Variants in DNAJB12 observed in about 807,000 individuals in gnomAD.
DNAJB12 encodes DnaJ heat shock protein family (Hsp40) member B12.
Under a neutral mutation model 40.6 loss-of-function variants are expected in DNAJB12, and 14 were observed. The ratio of observed to expected loss-of-function variants is 0.34; its 90% CI spans 0.23 to 0.54. The LOEUF is 0.54. Ranked by LOEUF, DNAJB12 falls within the 20% of genes least tolerant of loss-of-function variation. The pLI, the probability that DNAJB12 is intolerant of heterozygous loss-of-function variation, is 0.92. For missense variants in DNAJB12, 444 were observed against 501.7 expected (o/e 0.89, Z 1.10); for synonymous variants, 181 against 199.5 (o/e 0.91, Z 0.78).
chr10:72,335,275 A>G lies in DNAJB12; in HGVS notation c.*30+505T>C, dbSNP rs1861438516. ...TGTTCATCTTGCTCCATTTCCTCCT[A>G]GCTGGAGGGATGGAGAAAGGGGAGG... is the stretch of plus-strand genomic sequence containing the variant. On this transcript the variant is annotated intron_variant, in intron 8 of 8. Transcript: ENST00000444643. The surrounding 1 kb of genome is among the most constrained non-coding windows in gnomAD (Gnocchi z 4.4). 27 of 986,898 alleles carry G rather than the reference A, an allele frequency of 2.7e-5. No individual in the cohort carries two copies. Among genetic ancestry groups the G allele is most frequent in the Non-Finnish European group, 3.3e-5 (27 of 830,734 alleles). 61.1% of individuals were successfully genotyped at this position (986,898 alleles called of 1,614,324 possible).
chr10:72,335,587 G>A lies in DNAJB12; in HGVS notation c.*30+193C>T, dbSNP rs1329994376. 1 of 1,375,948 alleles carries A rather than the reference G, an allele frequency of 7.3e-7. No individual in the cohort carries two copies. The allele number at this position is 1,375,948 out of a possible 1,614,324, so 85.2% of individuals were successfully genotyped here. A position where few individuals can be genotyped will look rare whatever the true frequency, so the allele number is the denominator to read the frequency against. The stretch of plus-strand genomic sequence containing the variant: ...AGGAGTGGGGAGGACAGCATCGCTA[G>A]AGGGCGGAAACCGACCTTGGTTTCC... On this transcript the variant is annotated intron_variant, in intron 8 of 8. Coordinates refer to ENST00000444643, the MANE Select transcript of DNAJB12 (RefSeq NM_017626.7). This position sits in a 1 kb window ranked among gnomAD's most constrained non-coding sequence, Gnocchi z 4.4.
rs939036612 is a variant in DNAJB12 at position 72,333,350 on chromosome 10, G to A, written c.*1298C>T. 6.6e-6 allele frequency: 1 copy of A among 152,244 alleles called. No homozygotes were observed. The highest frequency in any genetic ancestry group is 1.5e-5 in the Non-Finnish European group (1 of 68,048). The allele number at this position is 152,244 out of a possible 1,614,324, so 9.4% of individuals were successfully genotyped here. A position where few individuals can be genotyped will look rare whatever the true frequency, so the allele number is the denominator to read the frequency against. On this transcript the variant is annotated 3_prime_UTR_variant, in exon 9 of 9. Coordinates refer to ENST00000444643, the MANE Select transcript of DNAJB12 (RefSeq NM_017626.7). ...ACCTCCCTCCTCCCACTGGCGGCAAGTGCTGTTTTAAGCAAAATCCTCATT... is the reference window on the plus strand; with the variant it reads ...ACCTCCCTCCTCCCACTGGCGGCAAATGCTGTTTTAAGCAAAATCCTCATT...
chr10:72,341,322 G>A (rs1295083413), intron 3 of DNAJB12, 152 bp from the exon 4 acceptor site: 2 of 726,576 alleles, frequency 2.8e-6, no homozygotes, highest in Non-Finnish European at 4.4e-6. Flanking sequence ...CCAGTGTAAG[G>A]AGGGGGCATG....
intron 7 of DNAJB12, 142 bp downstream of exon 7, chr10:72,336,382 T>C (rs1861474263): frequency 1.1e-6 from 1 of 890,432 alleles, no homozygotes; most frequent in African/African-American, 1.7e-5. Context: ...CCAGCTCTTG[T>C]CTGGGAGGTG....
chr10:72,347,698 A>G (rs1234160655), intron 1 of DNAJB12, among the ~76,000 whole-genome samples: 2 of 151,182 alleles, frequency 1.3e-5, no homozygotes, highest in East Asian at 3.9e-4. Context: ...GGCGAATCAC[A>G]AGGTCAGGAG....
chr10:72,341,146 A>G lies in DNAJB12; in HGVS notation c.482T>C (p.Leu161Pro). Residue 161 changes from leucine to proline, a missense_variant, in exon 4 of 9, where the codon CTC becomes CCC. Transcript: ENST00000444643. The part of the protein sequence containing the change: ...FKAIGTAYAV[L>P]SNPEKRKQYD... Reference sequence around the variant, plus strand: ...CTGCTTCCTCTTCTCCGGGTTGCTGAGTACCGCATATGCTGTGCCAATGGC... The same window carrying G: ...CTGCTTCCTCTTCTCCGGGTTGCTGGGTACCGCATATGCTGTGCCAATGGC... 1.2e-6 allele frequency: 2 copies of G among 1,613,404 alleles called. No homozygotes were observed. Among genetic ancestry groups the G allele is most frequent in the Non-Finnish European group, 1.7e-6 (2 of 1,179,506 alleles).
At chr10:72,344,823 T>G (rs898672356) in intron 2 of DNAJB12, 127 bp downstream of exon 2, 1 of 1,108,778 alleles carries the variant, frequency 9.0e-7, no homozygotes, top group African/African-American at 1.5e-5. Context: ...TTGGACCTTC[T>G]CCATCCTCCA....
At chr10:72,342,470 G>A (rs1016459387) in intron 3 of DNAJB12, among the ~76,000 whole-genome samples, 2 of 152,180 alleles carry the variant, frequency 1.3e-5, no homozygotes, top group African/African-American at 4.8e-5. Context: ...GCTGGGGCTG[G>A]AGAAACATTC....
chr10:72,343,611 C>T lies in DNAJB12; in HGVS notation c.312-100G>A, dbSNP rs1353493844. The T allele has an allele frequency of 2.6e-5, 34 of 1,330,540 alleles. No homozygotes were observed. In the Admixed American group the frequency reaches 4.7e-4, roughly 18 times the overall value. 82.4% of individuals were successfully genotyped at this position (1,330,540 alleles called of 1,614,324 possible). A position where few individuals can be genotyped will look rare whatever the true frequency, so the allele number is the denominator to read the frequency against. On this transcript the variant is annotated intron_variant, in intron 2 of 8. Transcript: ENST00000444643. ...GGGGCGCACAGCTCTGGGCAGGCTG[C>T]GGGGGACCAACAGGGCAAGGCTGAC...
chr10:72,334,412 T>C lies in DNAJB12; in HGVS notation c.*236A>G. 1 of 763,050 alleles carries C rather than the reference T, an allele frequency of 1.3e-6. No homozygotes were observed. The allele number at this position is 763,050 out of a possible 1,614,324, so 47.3% of individuals were successfully genotyped here. ...GGCGATGCGGAGCCTCCGCCAGCCC[T>C]GCGAGGGAGGGAAGCAGCCCCATGG... On this transcript the variant is annotated 3_prime_UTR_variant, in exon 9 of 9. Transcript: ENST00000444643.
At chr10:72,344,844 A>C in intron 2 of DNAJB12, 106 bp downstream of exon 2, 1 of 1,350,672 alleles carries the variant, frequency 7.4e-7, no homozygotes, top group Non-Finnish European at 1.0e-6. Flanking sequence ...AGACCCTCCC[A>C]GGGCCCTGTG....
chr10:72,350,398 CAAAAAAA>C (rs35316232), intron 1 of DNAJB12, among the ~76,000 whole-genome samples: 1 of 27,814 alleles, frequency 3.6e-5, no homozygotes, highest in East Asian at 1.2e-3. Context: ...GACCCTGTCT[CAAAAAAA>C]AAAAAAAAAA....
intron 3 of DNAJB12, 49 bp from the exon 4 acceptor site, chr10:72,341,219 G>T (rs752564005): frequency 2.6e-6 from 4 of 1,559,970 alleles, no homozygotes; most frequent in African/African-American, 2.7e-5. Flanking sequence ...GGGTGCGGGG[G>T]GAGGCTCCCA....
At chr10:72,352,469 C>T (rs1342639788) in intron 1 of DNAJB12, among the ~76,000 whole-genome samples, 2 of 152,158 alleles carry the variant, frequency 1.3e-5, no homozygotes, top group Non-Finnish European at 2.9e-5. Context: ...CATTCCCTCA[C>T]TGTGAGATAA....
intron 7 of DNAJB12, among the ~76,000 whole-genome samples, chr10:72,336,252 T>C (rs1448886392): frequency 6.6e-6 from 1 of 151,966 alleles, no homozygotes; most frequent in Non-Finnish European, 1.5e-5. Context: ...CTCCAGTCCA[T>C]CTCTACACAC....
At chr10:72,346,367 C>A (rs1207601837) in intron 1 of DNAJB12, among the ~76,000 whole-genome samples, 1 of 152,080 alleles carries the variant, frequency 6.6e-6, no homozygotes, top group Non-Finnish European at 1.5e-5. Context: ...GCTCTGTTGC[C>A]CAGGCTGGAG....
intron 2 of DNAJB12, 121 bp downstream of exon 2, chr10:72,344,829 C>T (rs1861736735): frequency 8.4e-7 from 1 of 1,197,564 alleles, no homozygotes; most frequent in Non-Finnish European, 1.2e-6. Flanking sequence ...CTTCTCCATC[C>T]TCCAAGACCC....
Position 72,333,655 on chromosome 10 carries a change from T to C in DNAJB12, c.*993A>G, listed in dbSNP as rs1186514987. ...ATAAGGCAAAGCCCACTGAGGGACT[T>C]AGGGGTGGGGAAATGGTTAGGTAGA... On this transcript the variant is annotated 3_prime_UTR_variant, in exon 9 of 9. Coordinates refer to ENST00000444643, the MANE Select transcript of DNAJB12 (RefSeq NM_017626.7). 6.5e-6 allele frequency: 1 copy of C among 152,672 alleles called. No homozygotes were observed. Among genetic ancestry groups the C allele is most frequent in the African/African-American group, 2.4e-5 (1 of 41,426 alleles). The allele number at this position is 152,672 out of a possible 1,614,324, so 9.5% of individuals were successfully genotyped here. A position where few individuals can be genotyped will look rare whatever the true frequency, so the allele number is the denominator to read the frequency against.
At position 72,345,112 on chromosome 10, in the gene DNAJB12, A is replaced by C; in HGVS notation, c.149T>G (p.Leu50Arg). 6.2e-7 allele frequency: 1 copy of C among 1,612,238 alleles called. No homozygotes were observed. Among genetic ancestry groups the C allele is most frequent in the Non-Finnish European group, 8.5e-7 (1 of 1,179,038 alleles). Reference protein sequence around the residue: ...TPRVRALIESLNQKPQTAGDQ... With the variant: ...TPRVRALIESRNQKPQTAGDQ... ...ACCGGCAGTCTGTGGTTTCTGGTTG[A>C]GGGACTCAATCAGGGCTGTGCAAGG... is the stretch of plus-strand genomic sequence containing the variant. Residue 50 changes from leucine (L) to arginine (R), a missense_variant, in exon 2 of 9, where the codon CTC becomes CGC. Leu to Arg is a moderately radical substitution (Grantham distance 102). Coordinates refer to ENST00000444643, the MANE Select transcript of DNAJB12 (RefSeq NM_017626.7).
Sources: allele counts gnomAD v4.1 joint callset (sites outside exome capture counted in the v4.1 genomes callset), GRCh38; gene constraint gnomAD v4.1.1; non-coding constraint Gnocchi (gnomAD v3.1); transcripts MANE v1.5; gene names NCBI Gene and HGNC (gene_info 2026-07-23, HGNC 2026-07-21).